PROC: variants seen among roughly 807,000 people sequenced by gnomAD.
PROC encodes the protein protein C, inactivator of coagulation factors Va and VIIIa, also known as vitamin K-dependent protein C.
In PROC, 22 loss-of-function variants were observed where a neutral mutation model predicts 36.3. The observed-to-expected ratio is 0.61, with a 90% CI of 0.43 to 0.86. PROC has a LOEUF of 0.86. Ranked by LOEUF, PROC falls within the 40% of genes least tolerant of loss-of-function variation. The probability of loss-of-function intolerance (pLI) is 0.00; values close to 1 mark genes in which losing one functional copy is unlikely to be tolerated. For missense variants in PROC, 526 were observed against 629.7 expected, an observed-to-expected ratio of 0.84 and a Z score of 1.76; for synonymous variants, 218 against 244.5, an observed-to-expected ratio of 0.89 and a Z score of 1.01.
At chr2:127,423,761 TG>T (rs1688295854) in intron 6 of PROC, 1 of 302,918 alleles carries the variant, frequency 3.3e-6, no homozygotes, top group African/African-American at 2.2e-5. Flanking sequence ...TCCTCCTCCA[TG>T]TAGCCTGGCT....
At chr2:127,419,693 C>A in intron 1 of PROC, 2 of 998,258 alleles carry the variant, frequency 2.0e-6, no homozygotes, top group Non-Finnish European at 2.8e-6. Context: ...ACCCTCTCCA[C>A]TGCATTCTGG....
intron 6 of PROC, among the ~76,000 whole-genome samples, chr2:127,424,261 G>A (rs1411127783): frequency 6.6e-6 from 1 of 151,710 alleles, no homozygotes. Context: ...GTGCAATGAC[G>A]TGATCTCAGC....
chr2:127,424,040 T>C (rs1688316621), intron 6 of PROC, among the ~76,000 whole-genome samples: 1 of 152,156 alleles, frequency 6.6e-6, no homozygotes. Flanking sequence ...ATCTTCTGCC[T>C]CTAGGGACAT....
rs1157825045 is a variant in PROC at position 127,426,541 on chromosome 2, G to A, written c.678+314G>A. 2 of 435,636 alleles carry A rather than the reference G, an allele frequency of 4.6e-6. No individual in the cohort carries two copies. The highest frequency in any genetic ancestry group is 3.5e-5 in the Admixed American group (1 of 28,464). 27.0% of individuals were successfully genotyped at this position (435,636 alleles called of 1,614,324 possible). ...GCAGAAGCCCTGCTGATGGGAGAGG[G>A]CTAGGAGGGAGGGCCGGGCCTGAGT... is the stretch of plus-strand genomic sequence containing the variant. On this transcript the variant is annotated intron_variant, in intron 7 of 8. Transcript: ENST00000234071. This position sits in a 1 kb window ranked among gnomAD's most constrained non-coding sequence, Gnocchi z 7.0.
At position 127,425,871 on chromosome 2, in the gene PROC, A is replaced by G. The variant is rs2679404; in HGVS notation, c.536-214A>G. ...GGTGATGCTGCCTGGTCTGACTCTT[A>G]CCATTCAGTGGCACTGTTTGTTGAC... is the stretch of plus-strand genomic sequence containing the variant. On this transcript the variant is annotated intron_variant, in intron 6 of 8. Transcript: ENST00000234071. Among the ~76,000 whole-genome samples the G allele has an allele frequency of 0.99, 151,586 of 152,358 alleles. 75,414 individuals carry two copies. The highest frequency in any genetic ancestry group is 1 in the East Asian group (5,188 of 5,188).
chr2:127,421,468 C>T lies in PROC; in HGVS notation c.237+19C>T, dbSNP rs952115016. 6 of 1,613,506 alleles carry T rather than the reference C, an allele frequency of 3.7e-6. No individual in the cohort carries two copies. Among genetic ancestry groups the T allele is most frequent in the Non-Finnish European group, 3.4e-6 (4 of 1,179,798 alleles). ...TGACACAGTAAGGCCACCATGGGTC[C>T]AGAGGATGAGGCTCAGGGGCGAGCT... On this transcript the variant is annotated intron_variant, in intron 3 of 8. Transcript: ENST00000234071.
At position 127,429,181 on chromosome 2, in the gene PROC, A is replaced by C; in HGVS notation, c.*235A>C. 1.7e-6 allele frequency: 1 copy of C among 573,560 alleles called. No individual in the cohort carries two copies. Among genetic ancestry groups the C allele is most frequent in the Non-Finnish European group, 3.1e-6 (1 of 322,820 alleles). 35.5% of individuals were successfully genotyped at this position (573,560 alleles called of 1,614,324 possible). A position where few individuals can be genotyped will look rare whatever the true frequency, so the allele number is the denominator to read the frequency against. ...GCAGATCCAAGTTTTGCGGGGTCTA[A>C]AGCTGTGTGTGTTGAGGGGGATACT... On this transcript the variant is annotated 3_prime_UTR_variant, in exon 9 of 9. Coordinates refer to ENST00000234071, the MANE Select transcript of PROC (RefSeq NM_000312.4).
Position 127,423,472 on chromosome 2 carries a change from C to A in PROC, c.535+64C>A. 3 of 1,520,608 alleles carry A rather than the reference C, an allele frequency of 2.0e-6. 1 individual carries two copies. In the South Asian group the frequency reaches 3.7e-5, roughly 19 times the overall value. 94.2% of individuals were successfully genotyped at this position (1,520,608 alleles called of 1,614,324 possible). On this transcript the variant is annotated intron_variant, in intron 6 of 8. Transcript: ENST00000234071. The stretch of plus-strand genomic sequence containing the variant: ...GGTGCAGGGTGGGCAGGCCCCCTGA[C>A]GGGGCGCGGCGCGGGGGGCTCAGGA...
In PROC at chr2:127,429,004, A is replaced by AT. The variant is rs1309785566; in HGVS notation, c.*59dup. 2.1e-5 allele frequency: 33 copies of AT among 1,578,446 alleles called. No homozygotes were observed. In the East Asian group the frequency reaches 6.9e-4, roughly 33 times the overall value. ...GCAATGGATGGGACATTAAAGGGAC[A>AT]TGTAACAAGCACACCGGCCTGCTGT... On this transcript the variant is annotated 3_prime_UTR_variant, in exon 9 of 9. Transcript: ENST00000234071.
intron 2 of PROC, among the ~76,000 whole-genome samples, chr2:127,420,471 G>T (rs2069911): frequency 6.6e-6 from 1 of 152,092 alleles, no homozygotes; most frequent in Admixed American, 6.5e-5. Flanking sequence ...GGGGAGGTCC[G>T]CAGGACACAT....
chr2:127,426,047 G>A lies in PROC; in HGVS notation c.536-38G>A. On this transcript the variant is annotated intron_variant, in intron 6 of 8. Coordinates refer to ENST00000234071, the MANE Select transcript of PROC (RefSeq NM_000312.4). This position sits in a 1 kb window ranked among gnomAD's most constrained non-coding sequence, Gnocchi z 7.0. ...AGACAGGAGGGCAGTCTCGGGAGGA[G>A]TGCCTGGCAGGCCCCTCACCACCTC... 1 of 1,613,572 alleles carries A rather than the reference G, an allele frequency of 6.2e-7. No individual in the cohort carries two copies. Among genetic ancestry groups the A allele is most frequent in the Non-Finnish European group, 8.5e-7 (1 of 1,179,920 alleles).
At chr2:127,425,181 C>T (rs1361207194) in intron 6 of PROC, among the ~76,000 whole-genome samples, 3 of 152,218 alleles carry the variant, frequency 2.0e-5, no homozygotes, top group Non-Finnish European at 2.9e-5. Flanking sequence ...CCTATGGTTC[C>T]GTGGTCCAGT....
In PROC at chr2:127,420,027, C is replaced by T; in HGVS notation, c.70+15C>T. 1 of 1,612,654 alleles carries T rather than the reference C, an allele frequency of 6.2e-7. No homozygotes were observed. Among genetic ancestry groups the T allele is most frequent in the Non-Finnish European group, 8.5e-7 (1 of 1,179,774 alleles). On this transcript the variant is annotated intron_variant, in intron 2 of 8. Coordinates refer to ENST00000234071, the MANE Select transcript of PROC (RefSeq NM_000312.4). The stretch of plus-strand genomic sequence containing the variant: ...AGCTCCTCTTGGTAAGGCCACCCCA[C>T]CCCTACCCCGGGACCCTTGTGGCCT...
chr2:127,428,224 A>T, intron 8 of PROC, 133 bp from the exon 9 acceptor site: 1 of 859,940 alleles, frequency 1.2e-6, no homozygotes, highest in Non-Finnish European at 1.9e-6. Context: ...GTGTGGGTGC[A>T]CAGTCTCCGG....
chr2:127,428,961 G>T lies in PROC; in HGVS notation c.*15G>T. ...GGGCACCTTAGCGACCCTCCCTGCA[G>T]GGCTGGGCTTTTGCATGGCAATGGA... On this transcript the variant is annotated 3_prime_UTR_variant, in exon 9 of 9. Transcript: ENST00000234071. 6.2e-7 allele frequency: 1 copy of T among 1,613,424 alleles called. No individual in the cohort carries two copies.
rs1688694336 is a variant in PROC at position 127,428,731 on chromosome 2, C to A, written c.1171C>A (p.Leu391Ile). Residue 391 changes from leucine (L) to isoleucine (I), a missense_variant, in exon 9 of 9, where the codon CTC becomes ATC. By Grantham distance (5) the Leu-to-Ile change is conservative. Coordinates refer to ENST00000234071, the MANE Select transcript of PROC (RefSeq NM_000312.4). ...VSENMLCAGILGDRQDACEGD... is the reference protein window; with the variant it reads ...VSENMLCAGIIGDRQDACEGD... Reference sequence around the variant, plus strand: ...TGAGAACATGCTGTGTGCGGGCATCCTCGGGGACCGGCAGGATGCCTGCGA... The same window carrying A: ...TGAGAACATGCTGTGTGCGGGCATCATCGGGGACCGGCAGGATGCCTGCGA... The A allele has an allele frequency of 6.2e-7, 1 of 1,613,640 alleles. No homozygotes were observed. Among genetic ancestry groups the A allele is most frequent in the Non-Finnish European group, 8.5e-7 (1 of 1,180,012 alleles).
rs765517843 is a variant in PROC, at chr2:127,426,141, A to C, written c.592A>C (p.Lys198Gln). 5.0e-6 allele frequency: 8 copies of C among 1,614,010 alleles called. No individual in the cohort carries two copies. The South Asian group carries it at 8.8e-5, about 18-fold the overall frequency. ...KRMEKKRSHLKRDTEDQEDQV... is the reference protein window; with the variant it reads ...KRMEKKRSHLQRDTEDQEDQV... ...GATGGAGAAGAAGCGCAGTCACCTG[A>C]AACGAGACACAGAAGACCAAGAAGA... The change falls in exon 7 of 9, where the codon AAA becomes CAA. Residue 198 changes from lysine to glutamine, a missense_variant. Physicochemically the swap from Lys to Gln is moderately conservative, Grantham distance 53. Transcript: ENST00000234071. The surrounding 1 kb of genome is among the most constrained non-coding windows in gnomAD (Gnocchi z 7.0).
intron 6 of PROC, 166 bp downstream of exon 6, chr2:127,423,574 G>A: frequency 2.2e-6 from 2 of 891,992 alleles, no homozygotes; most frequent in Non-Finnish European, 3.2e-6. Context: ...CGGGGCCACT[G>A]TTAGCGCAAT....
At chr2:127,420,784 T>C (rs1359324151) in intron 2 of PROC, among the ~76,000 whole-genome samples, 1 of 152,096 alleles carries the variant, frequency 6.6e-6, no homozygotes, top group East Asian at 1.9e-4. Flanking sequence ...GCATGGGGAA[T>C]ACTTGGTTGG....
Sources: allele counts gnomAD v4.1 joint callset (sites outside exome capture counted in the v4.1 genomes callset), GRCh38; gene constraint gnomAD v4.1.1; non-coding constraint Gnocchi (gnomAD v3.1); transcripts MANE v1.5; gene names NCBI Gene and HGNC (gene_info 2026-07-23, HGNC 2026-07-21).